The following FBXO32 variants were observed in gnomAD, a reference collection of about 807,000 sequenced individuals.
FBXO32 encodes F-box only protein 32.
In FBXO32, 15 loss-of-function variants were observed where a neutral mutation model predicts 48.3. The ratio of observed to expected loss-of-function variants is 0.31; its 90% CI spans 0.21 to 0.48. FBXO32 has a LOEUF of 0.48. Among genes scored for constraint, FBXO32 ranks in the 20% least tolerant of loss-of-function variants. FBXO32 has a pLI of 0.99. For missense variants in FBXO32, 309 were observed against 432.7 expected, an observed-to-expected ratio of 0.71 and a Z score of 2.54; for synonymous variants, 154 against 165.9, an observed-to-expected ratio of 0.93 and a Z score of 0.55.
chr8:123,539,228 TG>T (rs376641264), intron 1 of FBXO32, among the ~76,000 whole-genome samples: 2 of 152,328 alleles, frequency 1.3e-5, no homozygotes, highest in African/African-American at 4.8e-5. Context: ...TATATTTGGG[TG>T]AGCAGCTCTA....
rs184024746 is a variant in FBXO32 at position 123,516,250 on chromosome 8, C to T, written c.373-1917G>A. 1.2e-3 allele frequency among the ~76,000 whole-genome samples: 176 copies of T among 152,266 alleles called. No individual in the cohort carries two copies. The Middle Eastern group carries it at 0.044, about 38-fold the overall frequency. ...TATAAAGTGAAAGTAATTAACTTCA[C>T]GAGAACCCACCAGGCCCCCAGAGAA... On this transcript the variant is annotated intron_variant, in intron 4 of 8. Coordinates refer to ENST00000517956, the MANE Select transcript of FBXO32 (RefSeq NM_058229.4).
At chr8:123,519,782 C>T (rs1457804519) in intron 4 of FBXO32, among the ~76,000 whole-genome samples, 2 of 151,680 alleles carry the variant, frequency 1.3e-5, no homozygotes, top group South Asian at 2.1e-4. Context: ...CAGAATTTAC[C>T]GATTTTTAAA....
rs1233226254 is a variant in FBXO32 at position 123,503,067 on chromosome 8, G to T, written c.*306C>A. The T allele has an allele frequency of 3.4e-5, 7 of 208,764 alleles. No individual in the cohort carries two copies. The highest frequency in any genetic ancestry group is 6.7e-5 in the Non-Finnish European group (7 of 104,324). 12.9% of individuals were successfully genotyped at this position (208,764 alleles called of 1,614,324 possible). A position where few individuals can be genotyped will look rare whatever the true frequency, so the allele number is the denominator to read the frequency against. On this transcript the variant is annotated 3_prime_UTR_variant, in exon 9 of 9. Transcript: ENST00000517956. ...ATAAGAGAGTTTCTGTGACCATTAA[G>T]AGGACTCCATTTTCACCGCTGAAAT... is the stretch of plus-strand genomic sequence containing the variant.
rs1816386592 is a variant in FBXO32, at chr8:123,497,919, G to A, written c.*5454C>T. On this transcript the variant is annotated 3_prime_UTR_variant, in exon 9 of 9. Transcript: ENST00000517956. ...TTGGAAAAACATTTATTGCAATTCA[G>A]TGTCAAAAGTTTTTTACAAAAATAT... is the stretch of plus-strand genomic sequence containing the variant. 1 of 152,184 alleles carries A rather than the reference G, an allele frequency of 6.6e-6. No individual in the cohort carries two copies. Among genetic ancestry groups the A allele is most frequent in the Non-Finnish European group, 1.5e-5 (1 of 68,026 alleles). The allele number at this position is 152,184 out of a possible 1,614,324, so 9.4% of individuals were successfully genotyped here.
chr8:123,526,106 C>T (rs1330170822), intron 4 of FBXO32, among the ~76,000 whole-genome samples: 1 of 152,230 alleles, frequency 6.6e-6, no homozygotes, highest in South Asian at 2.1e-4. Context: ...CTCATTTAGT[C>T]CTCATCTTAC....
chr8:123,533,365 C>T, intron 2 of FBXO32, 125 bp from the exon 3 acceptor site: 2 of 753,498 alleles, frequency 2.7e-6, no homozygotes, highest in Non-Finnish European at 4.3e-6. Flanking sequence ...CTACTGACAA[C>T]TGAAGAAGTT....
At chr8:123,523,638 A>C (rs886277400) in intron 4 of FBXO32, among the ~76,000 whole-genome samples, 5 of 151,478 alleles carry the variant, frequency 3.3e-5, no homozygotes, top group African/African-American at 7.3e-5. Context: ...AACAAACAAA[A>C]AAAAGAAAGA....
At chr8:123,533,345 G>C in intron 2 of FBXO32, 105 bp from the exon 3 acceptor site, 3 of 931,054 alleles carry the variant, frequency 3.2e-6, no homozygotes, top group Non-Finnish European at 5.0e-6. Context: ...TGACAAAAAA[G>C]ATAAGGAGTC....
chr8:123,527,573 G>T (rs77373584), intron 4 of FBXO32, among the ~76,000 whole-genome samples: 9 of 152,112 alleles, frequency 5.9e-5, no homozygotes, highest in Non-Finnish European at 8.8e-5. Flanking sequence ...GACCTCAAAA[G>T]TTCCATTGCA....
At chr8:123,515,438 A>G (rs1816821048) in intron 4 of FBXO32, among the ~76,000 whole-genome samples, 4 of 149,404 alleles carry the variant, frequency 2.7e-5, no homozygotes, top group Non-Finnish European at 5.9e-5. Flanking sequence ...TATTGGAGAC[A>G]GGGTTTTGCC....
intron 4 of FBXO32, among the ~76,000 whole-genome samples, chr8:123,530,276 C>T (rs1350057000): frequency 6.6e-6 from 1 of 152,164 alleles, no homozygotes; most frequent in African/African-American, 2.4e-5. Context: ...GCCCAGATGA[C>T]AGGTGAAGGA....
Position 123,505,450 on chromosome 8 carries a change from ACCACAC to A in FBXO32, c.835-709_835-704del, listed in dbSNP as rs1430345396. Among the ~76,000 whole-genome samples the A allele has an allele frequency of 3.9e-5, 6 of 152,184 alleles. 1 individual carries two copies. The highest frequency in any genetic ancestry group is 2.6e-4 in the Admixed American group (4 of 15,294). On this transcript the variant is annotated intron_variant, in intron 7 of 8. Transcript: ENST00000517956. Reference sequence around the variant, plus strand: ...GAAATGATATCTGTAAAAGTACTCTACCACACAGGGTGCGGTGGCTCACGCCTGTAA... The same window carrying A: ...GAAATGATATCTGTAAAAGTACTCTAAGGGTGCGGTGGCTCACGCCTGTAA...
chr8:123,513,076 G>A lies in FBXO32; in HGVS notation c.651+122C>T. On this transcript the variant is annotated intron_variant, in intron 6 of 8. Coordinates refer to ENST00000517956, the MANE Select transcript of FBXO32 (RefSeq NM_058229.4). The surrounding 1 kb of genome is among the most constrained non-coding windows in gnomAD (Gnocchi z 4.3). ...AGCCCACCCTCAGCACCAGAACAAA[G>A]CAGCAGATCAGAAAAGACCAGACTC... is the stretch of plus-strand genomic sequence containing the variant. 1.8e-6 allele frequency: 2 copies of A among 1,092,058 alleles called. No homozygotes were observed. Among genetic ancestry groups the A allele is most frequent in the South Asian group, 1.6e-5 (1 of 63,154 alleles). 67.6% of individuals were successfully genotyped at this position (1,092,058 alleles called of 1,614,324 possible). A position where few individuals can be genotyped will look rare whatever the true frequency, so the allele number is the denominator to read the frequency against.
Position 123,503,164 on chromosome 8 carries a change from C to T in FBXO32, c.*209G>A. On this transcript the variant is annotated 3_prime_UTR_variant, in exon 9 of 9. Transcript: ENST00000517956. ...GTTTATTTACAGTATTTTGCTTTTC[C>T]ATACCAATTCTAGTGAGAAGTTCAC... is the stretch of plus-strand genomic sequence containing the variant. 4.6e-6 allele frequency: 2 copies of T among 436,140 alleles called. No individual in the cohort carries two copies. The highest frequency in any genetic ancestry group is 8.2e-6 in the Non-Finnish European group (2 of 245,352). The allele number at this position is 436,140 out of a possible 1,614,324, so 27.0% of individuals were successfully genotyped here. A position where few individuals can be genotyped will look rare whatever the true frequency, so the allele number is the denominator to read the frequency against.
chr8:123,521,134 T>C (rs1003912994), intron 4 of FBXO32, among the ~76,000 whole-genome samples: 3 of 152,266 alleles, frequency 2.0e-5, no homozygotes, highest in East Asian at 1.9e-4. Context: ...CATATCTGAA[T>C]TGGTCTTGTT....
intron 6 of FBXO32, among the ~76,000 whole-genome samples, chr8:123,509,698 C>T (rs536305807): frequency 2.7e-4 from 40 of 149,422 alleles, no homozygotes; most frequent in Admixed American, 8.6e-4. Context: ...AAGACCCTAT[C>T]TCAAAAACAA....
At chr8:123,520,089 A>G (rs2130531032) in intron 4 of FBXO32, among the ~76,000 whole-genome samples, 1 of 152,248 alleles carries the variant, frequency 6.6e-6, no homozygotes, top group African/African-American at 2.4e-5. Flanking sequence ...CGCACAGCCC[A>G]AATTTATCGA....
intron 4 of FBXO32, among the ~76,000 whole-genome samples, chr8:123,530,584 G>A (rs1438273356): frequency 6.6e-6 from 1 of 152,110 alleles, no homozygotes; most frequent in Admixed American, 6.5e-5. Context: ...AAGCTGATTT[G>A]CTTTACTACC....
chr8:123,513,914 T>C lies in FBXO32; in HGVS notation c.466+326A>G. 1 of 266,260 alleles carries C rather than the reference T, an allele frequency of 3.8e-6. No homozygotes were observed. The highest frequency in any genetic ancestry group is 1.1e-4 in the South Asian group (1 of 8,712). The allele number at this position is 266,260 out of a possible 1,614,324, so 16.5% of individuals were successfully genotyped here. ...CGAATCTATTCTGACTTTGTACACA[T>C]GTCGATTTTCTAGGAATTTGGGACC... On this transcript the variant is annotated intron_variant, in intron 5 of 8. Coordinates refer to ENST00000517956, the MANE Select transcript of FBXO32 (RefSeq NM_058229.4). This position sits in a 1 kb window ranked among gnomAD's most constrained non-coding sequence, Gnocchi z 4.3.
Sources: allele counts gnomAD v4.1 joint callset (sites outside exome capture counted in the v4.1 genomes callset), GRCh38; gene constraint gnomAD v4.1.1; non-coding constraint Gnocchi (gnomAD v3.1); transcripts MANE v1.5; gene names NCBI Gene and HGNC (gene_info 2026-07-23, HGNC 2026-07-21).